Variants in FMO5 observed in about 807,000 individuals in gnomAD.
FMO5 encodes the protein flavin-containing monooxygenase 5.
FMO5 carries 51 observed loss-of-function variants against 43.6 expected under a neutral mutation model. The ratio of observed to expected loss-of-function variants is 1.17; its 90% CI spans 0.93 to 1.48. The LOEUF is 1.48. Ranked by LOEUF, FMO5 falls within the 40% of genes most tolerant of loss-of-function variation. The pLI, the probability that FMO5 is intolerant of heterozygous loss-of-function variation, is 0.00. For synonymous variants in FMO5, 187 were observed against 216.5 expected, an observed-to-expected ratio of 0.86 and a Z score of 1.20; for missense variants, 644 against 643.0, an observed-to-expected ratio of 1.00 and a Z score of -0.02.
chr1:147,189,264 C>G (rs1224280356), intron 8 of FMO5, among the ~76,000 whole-genome samples: 1 of 134,320 alleles, frequency 7.4e-6, no homozygotes, highest in Non-Finnish European at 1.6e-5. Context: ...CAGAGTGAGA[C>G]TCCGTCTAAA....
chr1:147,202,312 C>T (rs1280709262), intron 6 of FMO5, among the ~76,000 whole-genome samples: 6,755 of 77,310 alleles, frequency 0.087, 359 homozygotes, highest in African/African-American at 0.1. Context: ...AAAAGCAGTT[C>T]TTTTTTTTTT....
At position 147,186,462 on chromosome 1, in the gene FMO5, GA is replaced by G. The variant is rs11387382; in HGVS notation, c.*437del. 7 of 944,224 alleles carry G rather than the reference GA, an allele frequency of 7.4e-6. No individual in the cohort carries two copies. Among genetic ancestry groups the G allele is most frequent in the African/African-American group, 3.5e-5 (2 of 56,432 alleles). 58.5% of individuals were successfully genotyped at this position (944,224 alleles called of 1,614,324 possible). On this transcript the variant is annotated 3_prime_UTR_variant, in exon 9 of 9. Coordinates refer to ENST00000254090, the MANE Select transcript of FMO5 (RefSeq NM_001461.4). ...CAGGAAACATATTTAGTTATAATAT[GA>G]AAAAAAACTAAAATTGAGCTTCTAA...
chr1:147,195,133 T>C (rs1243790869), intron 7 of FMO5, among the ~76,000 whole-genome samples: 1 of 152,142 alleles, frequency 6.6e-6, no homozygotes, highest in African/African-American at 2.4e-5. Flanking sequence ...TCCCCGTCAC[T>C]TTCAGGTTCA....
At chr1:147,206,474 T>C (rs1553922369) in intron 6 of FMO5, among the ~76,000 whole-genome samples, 1 of 152,218 alleles carries the variant, frequency 6.6e-6, no homozygotes, top group African/African-American at 2.4e-5. Context: ...GTATGTTTAT[T>C]GCGGCACTAT....
chr1:147,215,916 A>T lies in FMO5; in HGVS notation c.162T>A (p.Ser54Arg). The T allele has an allele frequency of 6.2e-7, 1 of 1,609,682 alleles. No homozygotes were observed. ...TATTGATGATCACTGATTTGTAAAT[A>T]CTGGCCCTTCCTTCTTCAGGATTTT... ...FQENPEEGRASIYKSVIINTS... is the reference protein window; with the variant it reads ...FQENPEEGRARIYKSVIINTS... Residue 54 changes from serine (S) to arginine (R), a missense_variant, in exon 3 of 9, where the codon AGT becomes AGA. Physicochemically the swap from Ser to Arg is moderately radical, Grantham distance 110. Coordinates refer to ENST00000254090, the MANE Select transcript of FMO5 (RefSeq NM_001461.4).
chr1:147,218,526 G>A (rs797039380), intron 2 of FMO5, among the ~76,000 whole-genome samples: 5 of 152,046 alleles, frequency 3.3e-5, no homozygotes, highest in East Asian at 1.9e-4. Context: ...GTGAGCCACC[G>A]CGCCCAGCCT....
intron 6 of FMO5, chr1:147,203,946 C>T: frequency 7.5e-7 from 1 of 1,337,166 alleles, no homozygotes; most frequent in Non-Finnish European, 1.1e-6. Flanking sequence ...AGAGCTGTAG[C>T]ACCAACTGTT....
chr1:147,197,952 G>C (rs1553920143), intron 7 of FMO5, among the ~76,000 whole-genome samples: 1 of 152,176 alleles, frequency 6.6e-6, no homozygotes, highest in Non-Finnish European at 1.5e-5. Context: ...ATCTTCCAAG[G>C]GTTCCAAGAC....
At chr1:147,216,048 C>T in intron 2 of FMO5, 106 bp from the exon 3 acceptor site, 1 of 714,782 alleles carries the variant, frequency 1.4e-6, no homozygotes, top group Non-Finnish European at 2.4e-6. Context: ...TCAATTAAAT[C>T]ACACACACAC....
At position 147,191,135 on chromosome 1, in the gene FMO5, A is replaced by C. The variant is rs1656692042; in HGVS notation, c.1184-886T>G. On this transcript the variant is annotated intron_variant, in intron 7 of 8. Coordinates refer to ENST00000254090, the MANE Select transcript of FMO5 (RefSeq NM_001461.4). ...ACTTTGCTATTGTGAATAGTGCCGC[A>C]ATAAACATACGTGTGCATGTGTCTT... 2.6e-5 allele frequency among the ~76,000 whole-genome samples: 4 copies of C among 152,158 alleles called. No individual in the cohort carries two copies. In the South Asian group the frequency reaches 8.3e-4, roughly 32 times the overall value.
rs782000238 is a variant in FMO5 at position 147,215,943 on chromosome 1, C to T, written c.136-1G>A. 1 of 1,601,256 alleles carries T rather than the reference C, an allele frequency of 6.2e-7. No individual in the cohort carries two copies. Among genetic ancestry groups the T allele is most frequent in the South Asian group, 1.1e-5 (1 of 88,734 alleles). On this transcript the variant is annotated splice_acceptor_variant, in intron 2 of 8. Coordinates refer to ENST00000254090, the MANE Select transcript of FMO5 (RefSeq NM_001461.4). LOFTEE classifies it high-confidence loss of function. The stretch of plus-strand genomic sequence containing the variant: ...TGGCCCTTCCTTCTTCAGGATTTTC[C>T]TGCAATAAATAGAAAGTATTCATAG...
chr1:147,195,092 C>G (rs1553919480), intron 7 of FMO5, among the ~76,000 whole-genome samples: 1 of 152,174 alleles, frequency 6.6e-6, no homozygotes, highest in East Asian at 1.9e-4. Flanking sequence ...GGATAATATC[C>G]TGCAGAGTGT....
At chr1:147,226,223 C>A (rs1663977459), upstream of FMO5, among the ~76,000 whole-genome samples, 1 of 151,746 alleles carries the variant, frequency 6.6e-6, no homozygotes, top group African/African-American at 2.4e-5. Context: ...ATGATCCTGC[C>A]CCCACTTCCG....
Position 147,213,249 on chromosome 1 carries a change from C to T in FMO5, c.487+59G>A, listed in dbSNP as rs1446494670. On this transcript the variant is annotated intron_variant, in intron 4 of 8. Transcript: ENST00000254090. ...TTACTCAGACCACAATCCTCCCATT[C>T]CTCAGGGGTCAGGTCACAGGCATGG... The T allele has an allele frequency of 3.6e-6, 5 of 1,385,880 alleles. No individual in the cohort carries two copies. The East Asian group carries it at 7.4e-5, about 21-fold the overall frequency. The allele number at this position is 1,385,880 out of a possible 1,614,324, so 85.8% of individuals were successfully genotyped here.
At chr1:147,226,897 A>G (rs1193418540), upstream of FMO5, among the ~76,000 whole-genome samples, 2 of 151,414 alleles carry the variant, frequency 1.3e-5, no homozygotes, top group Non-Finnish European at 2.9e-5. Context: ...CAGTGGTGCA[A>G]TCATGGCTCA....
intron 8 of FMO5, 30 bp downstream of exon 8, chr1:147,190,147 A>C: frequency 7.2e-7 from 1 of 1,391,268 alleles, no homozygotes; most frequent in Non-Finnish European, 1.0e-6. Context: ...TAGAAATGTA[A>C]CCATATATCT....
intron 7 of FMO5, among the ~76,000 whole-genome samples, chr1:147,192,326 G>A (rs1318013644): frequency 1.2e-4 from 18 of 152,144 alleles, no homozygotes; most frequent in Admixed American, 5.9e-4. Context: ...TGTTGTTGGT[G>A]TATAAGACTG....
At chr1:147,218,471 C>A (rs887571523) in intron 2 of FMO5, among the ~76,000 whole-genome samples, 3 of 151,968 alleles carry the variant, frequency 2.0e-5, no homozygotes, top group African/African-American at 7.3e-5. Flanking sequence ...CTCCTGACCT[C>A]GTGATCCGCC....
intron 7 of FMO5, among the ~76,000 whole-genome samples, chr1:147,199,374 G>A (rs1658599309): frequency 6.6e-6 from 1 of 152,214 alleles, no homozygotes; most frequent in Non-Finnish European, 1.5e-5. Context: ...CCTGTTGGAA[G>A]TCTGGTAAAG....
Sources: allele counts gnomAD v4.1 joint callset (sites outside exome capture counted in the v4.1 genomes callset), GRCh38; gene constraint gnomAD v4.1.1; transcripts MANE v1.5; gene names NCBI Gene and HGNC (gene_info 2026-07-23, HGNC 2026-07-21).